Variants in PCDHGA8 observed in about 807,000 individuals in gnomAD.
PCDHGA8 encodes protocadherin gamma subfamily A, 8.
In PCDHGA8, 45 loss-of-function variants were observed where a neutral mutation model predicts 59.2. The observed-to-expected ratio is 0.76, with a 90% CI of 0.60 to 0.98. PCDHGA8 has a LOEUF of 0.98. PCDHGA8 is among the 50% of genes least tolerant of loss of function. PCDHGA8 has a pLI of 0.00. For missense variants in PCDHGA8, 1,257 were observed against 1,196.2 expected (o/e 1.05, Z -0.75); for synonymous variants, 531 against 519.0 (o/e 1.02, Z -0.32).
intron 1 of PCDHGA8, among the ~76,000 whole-genome samples, chr5:141,455,204 T>G (rs1173402170): frequency 6.6e-6 from 1 of 152,052 alleles, no homozygotes; most frequent in Admixed American, 6.6e-5. Context: ...TTACAACCAA[T>G]AAGAGTTTTT....
chr5:141,422,535 A>T lies in PCDHGA8; in HGVS notation c.2424+27298A>T, dbSNP rs760963618. On this transcript the variant is annotated intron_variant, in intron 1 of 3. Transcript: ENST00000398604. ...AGGGAAGCCCGCCTTTGTCTGCAGA[A>T]ACTCATGTCTGGCTGAATGTGGCAG... 20 of 1,613,826 alleles carry T rather than the reference A, an allele frequency of 1.2e-5. 1 individual carries two copies. Among genetic ancestry groups the T allele is most frequent in the Non-Finnish European group, 8.5e-7 (1 of 1,179,882 alleles).
chr5:141,405,838 T>C (rs1561702145), intron 1 of PCDHGA8, among the ~76,000 whole-genome samples: 4 of 152,300 alleles, frequency 2.6e-5, no homozygotes, highest in Admixed American at 2.0e-4. Flanking sequence ...TAGTATAAGT[T>C]GATATCAGTG....
intron 3 of PCDHGA8, chr5:141,507,010 G>A (rs371780810): frequency 1.3e-5 from 2 of 152,324 alleles, no homozygotes; most frequent in East Asian, 1.9e-4. Flanking sequence ...TGAGAGAACC[G>A]AGAAGGCACT....
In PCDHGA8 at chr5:141,486,805, C is replaced by A; in HGVS notation, c.2425-8002C>A. On this transcript the variant is annotated intron_variant, in intron 1 of 3. Transcript: ENST00000398604. The surrounding 1 kb of genome is among the most constrained non-coding windows in gnomAD (Gnocchi z 5.0). ...AGGCCCGGGATCGGGGCAACCCACC[C>A]CTTAGCAGCACTGTAACAGTTCGTC... 1.2e-6 allele frequency: 2 copies of A among 1,614,242 alleles called. No homozygotes were observed. Among genetic ancestry groups the A allele is most frequent in the Admixed American group, 1.7e-5 (1 of 60,034 alleles).
intron 1 of PCDHGA8, among the ~76,000 whole-genome samples, chr5:141,480,875 T>C (rs1285607270): frequency 6.6e-6 from 1 of 152,062 alleles, no homozygotes; most frequent in African/African-American, 2.4e-5. Context: ...TGAAACCCCG[T>C]CTCTACTAAA....
chr5:141,408,973 T>C (rs754120948), intron 1 of PCDHGA8: 8 of 1,613,718 alleles, frequency 5.0e-6, no homozygotes, highest in South Asian at 1.1e-5. Context: ...ATCTGCCCCC[T>C]GGGTCCCCTG....
At chr5:141,416,115 A>G (rs2095995433) in intron 1 of PCDHGA8, 2 of 155,406 alleles carry the variant, frequency 1.3e-5, no homozygotes, top group East Asian at 1.9e-4. Context: ...TTCAAACTAC[A>G]TTTTATATAT....
In PCDHGA8 at chr5:141,431,339, T is replaced by A. The variant is rs1374646530; in HGVS notation, c.2424+36102T>A. 7.4e-6 allele frequency: 12 copies of A among 1,613,942 alleles called. No homozygotes were observed. In the Admixed American group the frequency reaches 1.2e-4, roughly 16 times the overall value. ...AGCCGACGGTAGTAAGTACCCCGAA[T>A]TGGTGCTGAAACGCGCCCTGGACCG... On this transcript the variant is annotated intron_variant, in intron 1 of 3. Coordinates refer to ENST00000398604, the MANE Select transcript of PCDHGA8 (RefSeq NM_032088.2). This position sits in a 1 kb window ranked among gnomAD's most constrained non-coding sequence, Gnocchi z 4.8.
rs772000812 is a variant in PCDHGA8, at chr5:141,478,304, C to T, written c.2425-16503C>T. The T allele has an allele frequency of 8.1e-6, 13 of 1,614,108 alleles. No individual in the cohort carries two copies. In the Middle Eastern group the frequency reaches 1.2e-3, roughly 143 times the overall value. On this transcript the variant is annotated intron_variant, in intron 1 of 3. Coordinates refer to ENST00000398604, the MANE Select transcript of PCDHGA8 (RefSeq NM_032088.2). The stretch of plus-strand genomic sequence containing the variant: ...GCAGTCTAGAGACCTATACCGAGCC[C>T]CGGTGAGCTCACTGTACCGAACACC...
intron 1 of PCDHGA8, chr5:141,415,740 G>GTTTTTTTTTTTTTTTTTTTTTTTTT: frequency 1.8e-5 from 11 of 617,990 alleles, no homozygotes; most frequent in Non-Finnish European, 2.4e-5. Context: ...GTTTATTAAG[G>GTTTTTTTTTTTTTTTTTTTTTTTTT]TTTTTTTTTT....
In PCDHGA8 at chr5:141,503,993, C is replaced by T. The variant is rs376134059; in HGVS notation, c.2484-1400C>T. Reference sequence around the variant, plus strand: ...GTGCCAAACCCTTCTTCTTACCTTACAGTCACTTAACTGTCTCTGCTGGTC... The same window carrying T: ...GTGCCAAACCCTTCTTCTTACCTTATAGTCACTTAACTGTCTCTGCTGGTC... On this transcript the variant is annotated intron_variant, in intron 2 of 3. Transcript: ENST00000398604. Among the ~76,000 whole-genome samples, 13 of 152,312 alleles carry T rather than the reference C, an allele frequency of 8.5e-5. 1 individual carries two copies. In the East Asian group the frequency reaches 1.7e-3, roughly 20 times the overall value.
intron 1 of PCDHGA8, among the ~76,000 whole-genome samples, chr5:141,458,449 A>G (rs1483902182): frequency 6.6e-6 from 1 of 152,086 alleles, no homozygotes; most frequent in Non-Finnish European, 1.5e-5. Context: ...CCACATTAAC[A>G]ATTTTTAAAA....
chr5:141,468,049 G>C (rs2099156671), intron 1 of PCDHGA8, among the ~76,000 whole-genome samples: 1 of 152,068 alleles, frequency 6.6e-6, no homozygotes, highest in African/African-American at 2.4e-5. Context: ...ACTAAGCCGG[G>C]CACAGTGGCT....
In PCDHGA8 at chr5:141,485,636, G is replaced by A. The variant is rs371040974; in HGVS notation, c.2425-9171G>A. The A allele has an allele frequency of 6.2e-7, 1 of 1,611,922 alleles. No homozygotes were observed. The highest frequency in any genetic ancestry group is 1.1e-5 in the South Asian group (1 of 90,964). On this transcript the variant is annotated intron_variant, in intron 1 of 3. Transcript: ENST00000398604. This position sits in a 1 kb window ranked among gnomAD's most constrained non-coding sequence, Gnocchi z 5.7. ...TCCTCCAGGACAGCGTTTCCCGTTG[G>A]AAAAGGCTCAGGATGCAGATGTGGG...
chr5:141,407,985 A>G, intron 1 of PCDHGA8: 1 of 789,616 alleles, frequency 1.3e-6, no homozygotes, highest in Non-Finnish European at 1.9e-6. Flanking sequence ...GGGATCCGTC[A>G]GCCTCTGGCC....
intron 1 of PCDHGA8, chr5:141,441,126 C>T (rs1319809408): frequency 6.6e-6 from 1 of 152,062 alleles, no homozygotes; most frequent in Non-Finnish European, 1.5e-5. Context: ...CAGTTGAGAC[C>T]GAATTTCTAG....
chr5:141,408,326 G>A, intron 1 of PCDHGA8: 6 of 1,613,904 alleles, frequency 3.7e-6, no homozygotes, highest in Non-Finnish European at 4.2e-6. Context: ...GGAGGAGCTG[G>A]CCAAGGGCTC....
intron 1 of PCDHGA8, among the ~76,000 whole-genome samples, chr5:141,425,471 T>A (rs2096877403): frequency 6.6e-6 from 1 of 152,218 alleles, no homozygotes; most frequent in African/African-American, 2.4e-5. Flanking sequence ...TGTTATTAAT[T>A]CCTATGGCAA....
chr5:141,427,546 C>T (rs779995777), intron 1 of PCDHGA8: 1 of 639,564 alleles, frequency 1.6e-6, no homozygotes, highest in South Asian at 1.5e-5. Context: ...GTCACCATCA[C>T]TGCCACTGAC....
Sources: allele counts gnomAD v4.1 joint callset (sites outside exome capture counted in the v4.1 genomes callset), GRCh38; gene constraint gnomAD v4.1.1; non-coding constraint Gnocchi (gnomAD v3.1); transcripts MANE v1.5; gene names NCBI Gene and HGNC (gene_info 2026-07-23, HGNC 2026-07-21).